UVRAG: variants seen among roughly 807,000 people sequenced by gnomAD.
UVRAG encodes the protein UV radiation resistance associated, also known as UV radiation resistance-associated gene protein.
In UVRAG, 19 loss-of-function variants were observed where a neutral mutation model predicts 78.0. That is an observed-to-expected ratio of 0.24 (90% CI 0.17 to 0.36). The LOEUF (loss-of-function observed/expected upper bound fraction) is 0.36. Among genes scored for constraint, UVRAG ranks in the 10% least tolerant of loss-of-function variants. The pLI is 1.00. For missense variants in UVRAG, 740 were observed against 853.8 expected (o/e 0.87, Z 1.66); for synonymous variants, 323 against 324.6 (o/e 1.00, Z 0.05).
chr11:75,828,688 CAT>C (rs200861733), intron 1 of UVRAG, among the ~76,000 whole-genome samples: 6,687 of 74,402 alleles, frequency 0.09, 597 homozygotes, highest in African/African-American at 0.24. Context: ...TACACATATA[CAT>C]GTGTGTGTAT....
Position 75,861,917 on chromosome 11 carries a change from ATTGTT to A in UVRAG, c.270+143_270+147del, listed in dbSNP as rs952631803. On this transcript the variant is annotated intron_variant, in intron 3 of 14. Coordinates refer to ENST00000356136, the MANE Select transcript of UVRAG (RefSeq NM_003369.4). ...GGATCTGCTCAATTGTTAAATCATC[ATTGTT>A]TTGTTCATTGCTGTATCTCTAGTGC... is the stretch of plus-strand genomic sequence containing the variant. 5 of 710,706 alleles carry A rather than the reference ATTGTT, an allele frequency of 7.0e-6. No individual in the cohort carries two copies. In the Admixed American group the frequency reaches 1.4e-4, roughly 20 times the overall value. 44.0% of individuals were successfully genotyped at this position (710,706 alleles called of 1,614,324 possible).
At chr11:75,952,272 T>C (rs182900341) in intron 6 of UVRAG, among the ~76,000 whole-genome samples, 5 of 152,310 alleles carry the variant, frequency 3.3e-5, no homozygotes, top group African/African-American at 1.2e-4. Context: ...TTTTATTTAC[T>C]TTTAAAATGC....
chr11:76,053,398 AC>A (rs1950911402), intron 12 of UVRAG, among the ~76,000 whole-genome samples: 1 of 151,816 alleles, frequency 6.6e-6, no homozygotes, highest in Non-Finnish European at 1.5e-5. Context: ...ATTCACAGAT[AC>A]CGCCATCTGC....
At chr11:75,826,446 C>T (rs1003017131) in intron 1 of UVRAG, among the ~76,000 whole-genome samples, 2 of 152,012 alleles carry the variant, frequency 1.3e-5, no homozygotes, top group Admixed American at 6.5e-5. Flanking sequence ...TGAGCCTGGC[C>T]GAGAACTTGT....
At chr11:75,835,651 G>A (rs1028272613) in intron 1 of UVRAG, among the ~76,000 whole-genome samples, 1 of 152,130 alleles carries the variant, frequency 6.6e-6, no homozygotes, top group Non-Finnish European at 1.5e-5. Flanking sequence ...CAAAAATAGA[G>A]ATGTCAAGAG....
intron 3 of UVRAG, among the ~76,000 whole-genome samples, chr11:75,873,220 G>A (rs1450915810): frequency 6.6e-6 from 1 of 152,158 alleles, no homozygotes; most frequent in African/African-American, 2.4e-5. Flanking sequence ...TATTAGGTGA[G>A]AAAGCGAATC....
intron 4 of UVRAG, among the ~76,000 whole-genome samples, chr11:75,884,072 T>C (rs1335202541): frequency 6.6e-6 from 1 of 152,200 alleles, no homozygotes; most frequent in Non-Finnish European, 1.5e-5. Flanking sequence ...AATAGTTCTG[T>C]TTGTTTCACA....
chr11:76,111,785 C>G (rs1952071147), intron 13 of UVRAG, among the ~76,000 whole-genome samples: 1 of 151,952 alleles, frequency 6.6e-6, no homozygotes, highest in African/African-American at 2.4e-5. Context: ...CCCCCACAGC[C>G]AGTCATCAAG....
intron 7 of UVRAG, among the ~76,000 whole-genome samples, chr11:75,968,607 CT>C (rs1370745535): frequency 1.3e-5 from 2 of 152,182 alleles, no homozygotes. Flanking sequence ...TTTAGATTAA[CT>C]TGTAACCTTA....
At chr11:76,138,595 C>T (rs1388116867) in intron 14 of UVRAG, among the ~76,000 whole-genome samples, 1 of 152,226 alleles carries the variant, frequency 6.6e-6, no homozygotes, top group Admixed American at 6.5e-5. Flanking sequence ...TCATGCCCTG[C>T]CTTTTATCAG....
chr11:75,837,204 G>T (rs1590916874), intron 1 of UVRAG, among the ~76,000 whole-genome samples: 1 of 152,106 alleles, frequency 6.6e-6, no homozygotes, highest in African/African-American at 2.4e-5. Context: ...GCAGGCACCT[G>T]TAGTCCCAGC....
chr11:75,914,285 C>T (rs1006748255), intron 6 of UVRAG: 2 of 152,208 alleles, frequency 1.3e-5, no homozygotes, highest in African/African-American at 4.8e-5. Context: ...GAATTAAACT[C>T]TAGTTCGTGG....
At chr11:75,815,925 C>G (rs900800288) in intron 1 of UVRAG, among the ~76,000 whole-genome samples, 1 of 152,218 alleles carries the variant, frequency 6.6e-6, no homozygotes, top group Non-Finnish European at 1.5e-5. Flanking sequence ...AGCACTTTTC[C>G]TTTCTTTCCC....
At chr11:76,075,224 T>C (rs1049643150) in intron 13 of UVRAG, among the ~76,000 whole-genome samples, 1 of 152,018 alleles carries the variant, frequency 6.6e-6, no homozygotes, top group Admixed American at 6.6e-5. Context: ...AATTTGCCAA[T>C]AATAATGGTG....
chr11:75,942,708 C>T (rs551983234), intron 6 of UVRAG, among the ~76,000 whole-genome samples: 1 of 152,020 alleles, frequency 6.6e-6, no homozygotes, highest in African/African-American at 2.4e-5. Context: ...TTATCAGACA[C>T]AATACAGGAG....
At chr11:76,037,539 CA>C (rs61354759) in intron 12 of UVRAG, among the ~76,000 whole-genome samples, 914 of 48,516 alleles carry the variant, frequency 0.019, 1 homozygote, top group Non-Finnish European at 0.032. Flanking sequence ...TTTGTCTTTA[CA>C]AAAAAAAAAA....
At chr11:76,042,574 CCACTG>C (rs1950669186) in intron 12 of UVRAG, among the ~76,000 whole-genome samples, 1 of 152,050 alleles carries the variant, frequency 6.6e-6, no homozygotes, top group Non-Finnish European at 1.5e-5. Context: ...TCATGTGATC[CCACTG>C]CACTCAACAG....
At chr11:75,898,342 G>GC (rs1265116354) in intron 5 of UVRAG, among the ~76,000 whole-genome samples, 1 of 152,162 alleles carries the variant, frequency 6.6e-6, no homozygotes, top group Non-Finnish European at 1.5e-5. Flanking sequence ...ACAATGAATT[G>GC]CCCCTTTCTC....
intron 5 of UVRAG, among the ~76,000 whole-genome samples, chr11:75,908,435 C>T (rs1231740417): frequency 1.3e-5 from 2 of 151,980 alleles, no homozygotes; most frequent in Non-Finnish European, 2.9e-5. Context: ...GGGTACATAC[C>T]CAGAAATAGT....
Sources: allele counts gnomAD v4.1 joint callset (sites outside exome capture counted in the v4.1 genomes callset), GRCh38; gene constraint gnomAD v4.1.1; transcripts MANE v1.5; gene names NCBI Gene and HGNC (gene_info 2026-07-23, HGNC 2026-07-21).